The following CSMD1 variants were observed in gnomAD, a reference collection of about 807,000 sequenced individuals.
The protein encoded by CSMD1 is CUB and Sushi multiple domains 1.
Under a neutral mutation model 417.5 loss-of-function variants are expected in CSMD1, and 213 were observed. The ratio of observed to expected loss-of-function variants is 0.51; its 90% CI spans 0.46 to 0.57. The LOEUF is 0.57. Among genes scored for constraint, CSMD1 ranks in the 20% least tolerant of loss-of-function variants. CSMD1 has a pLI of 0.00. For synonymous variants in CSMD1, 2,862 were observed against 1,736.8 expected (o/e 1.65, Z -16.11); for missense variants, 6,923 against 4,529.7 (o/e 1.53, Z -15.17).
At position 4,480,187 on chromosome 8, in the gene CSMD1, C is replaced by CAAAAA. The variant is rs763375040; in HGVS notation, c.303-60127_303-60123dup. On this transcript the variant is annotated intron_variant, in intron 2 of 69. Transcript: ENST00000635120. Reference sequence around the variant, plus strand: ...ACCACGAGAGTGCATTGTTATCTCACAAAAAAAAAAAAACAAAAAAAAACC... The same window carrying CAAAAA: ...ACCACGAGAGTGCATTGTTATCTCACAAAAAAAAAAAAAAAAAACAAAAAAAAACC... Among the ~76,000 whole-genome samples, 487 of 103,746 alleles carry CAAAAA rather than the reference C, an allele frequency of 4.7e-3. 4 individuals are homozygous for CAAAAA. Among genetic ancestry groups the CAAAAA allele is most frequent in the African/African-American group, 0.014 (430 of 31,056 alleles). The allele number at this position is 103,746 out of a possible 152,430, so 68.1% of individuals were successfully genotyped here.
chr8:4,398,589 G>A (rs1300964330), intron 3 of CSMD1, among the ~76,000 whole-genome samples: 1 of 151,698 alleles, frequency 6.6e-6, no homozygotes. Context: ...TAGAGACGGG[G>A]TTTCACCGTG....
At chr8:4,418,876 T>A (rs1797094134) in intron 3 of CSMD1, among the ~76,000 whole-genome samples, 1 of 152,126 alleles carries the variant, frequency 6.6e-6, no homozygotes, top group East Asian at 1.9e-4. Context: ...ATGAAAGACA[T>A]TAGAGGCAGA....
At chr8:4,269,534 A>T (rs1164843443) in intron 3 of CSMD1, among the ~76,000 whole-genome samples, 1 of 152,218 alleles carries the variant, frequency 6.6e-6, no homozygotes, top group African/African-American at 2.4e-5. Flanking sequence ...AGCCCTCAAT[A>T]TATCGCATTC....
chr8:4,063,613 G>T (rs541867275), intron 3 of CSMD1, among the ~76,000 whole-genome samples: 4 of 152,306 alleles, frequency 2.6e-5, no homozygotes, highest in Non-Finnish European at 5.9e-5. Flanking sequence ...TACGTTTCCA[G>T]TTCAGCGGCT....
At chr8:3,140,811 T>C (rs1443356222) in intron 41 of CSMD1, among the ~76,000 whole-genome samples, 1 of 152,210 alleles carries the variant, frequency 6.6e-6, no homozygotes, top group Non-Finnish European at 1.5e-5. Context: ...TACAAATTAT[T>C]TTGCATGAAA....
intron 5 of CSMD1, among the ~76,000 whole-genome samples, chr8:3,849,568 G>C (rs1803745675): frequency 6.6e-6 from 1 of 152,168 alleles, no homozygotes; most frequent in Admixed American, 6.5e-5. Flanking sequence ...ATTCAAATGA[G>C]TTCAGCTAAT....
intron 1 of CSMD1, among the ~76,000 whole-genome samples, chr8:4,934,746 T>A (rs762629760): frequency 3.2e-4 from 48 of 152,086 alleles, no homozygotes; most frequent in Non-Finnish European, 6.0e-4. Context: ...AAACTATCTA[T>A]ATCTATCTAC....
chr8:3,427,180 T>C (rs1443143070), intron 12 of CSMD1, among the ~76,000 whole-genome samples: 2 of 152,182 alleles, frequency 1.3e-5, no homozygotes, highest in African/African-American at 2.4e-5. Flanking sequence ...AGATTTTGGG[T>C]GCAGACTCAG....
At chr8:3,713,987 A>T (rs899327769) in intron 6 of CSMD1, among the ~76,000 whole-genome samples, 2 of 152,052 alleles carry the variant, frequency 1.3e-5, no homozygotes, top group Non-Finnish European at 2.9e-5. Flanking sequence ...TAATATTGAA[A>T]TCTTTGTAAA....
chr8:4,840,853 T>TA (rs993962313), intron 1 of CSMD1, among the ~76,000 whole-genome samples: 3 of 152,246 alleles, frequency 2.0e-5, no homozygotes, highest in Admixed American at 6.5e-5. Context: ...CCACTATTAA[T>TA]AAAAATACAT....
intron 7 of CSMD1, among the ~76,000 whole-genome samples, chr8:3,620,319 C>T (rs1279259697): frequency 6.7e-6 from 1 of 148,790 alleles, no homozygotes; most frequent in Non-Finnish European, 1.5e-5. Context: ...ACTACACAGT[C>T]ACTTGAAGCC....
intron 7 of CSMD1, among the ~76,000 whole-genome samples, chr8:3,703,729 A>G (rs1801004192): frequency 6.6e-6 from 1 of 152,150 alleles, no homozygotes; most frequent in Admixed American, 6.5e-5. Context: ...AAGTGAAAAA[A>G]GCAGGAGTTT....
intron 29 of CSMD1, among the ~76,000 whole-genome samples, chr8:3,216,765 C>T (rs1396765173): frequency 6.6e-6 from 1 of 152,222 alleles, no homozygotes; most frequent in Non-Finnish European, 1.5e-5. Context: ...TTGAGCTTTC[C>T]TGCATCAGAG....
At chr8:4,682,112 G>T (rs1030768252) in intron 1 of CSMD1, among the ~76,000 whole-genome samples, 1 of 152,108 alleles carries the variant, frequency 6.6e-6, no homozygotes, top group Non-Finnish European at 1.5e-5. Context: ...TCCGCCTCCT[G>T]GGCTCAAGCA....
At chr8:3,734,633 C>A (rs942995291) in intron 6 of CSMD1, among the ~76,000 whole-genome samples, 21 of 152,284 alleles carry the variant, frequency 1.4e-4, no homozygotes, top group African/African-American at 4.8e-4. Context: ...ATTGCTTGAA[C>A]CTGGGAGGCG....
At chr8:4,002,972 A>G (rs1815810048) in intron 4 of CSMD1, among the ~76,000 whole-genome samples, 1 of 152,228 alleles carries the variant, frequency 6.6e-6, no homozygotes, top group African/African-American at 2.4e-5. Flanking sequence ...TAACTTTATA[A>G]GTAAACCAAT....
At chr8:4,344,380 C>G (rs1348212257) in intron 3 of CSMD1, among the ~76,000 whole-genome samples, 1 of 152,058 alleles carries the variant, frequency 6.6e-6, no homozygotes, top group East Asian at 1.9e-4. Context: ...CCCATACGCT[C>G]AAGCTCAGAG....
chr8:3,808,669 T>C (rs953283822), intron 5 of CSMD1, among the ~76,000 whole-genome samples: 5 of 152,182 alleles, frequency 3.3e-5, no homozygotes, highest in Admixed American at 6.5e-5. Context: ...GTCTTGTTTG[T>C]AGGATATTTC....
intron 2 of CSMD1, among the ~76,000 whole-genome samples, chr8:4,608,701 T>C (rs1360673110): frequency 6.6e-6 from 1 of 152,238 alleles, no homozygotes; most frequent in Non-Finnish European, 1.5e-5. Flanking sequence ...ATGAAAATTA[T>C]CCTTCAGGCA....
Sources: gnomAD v4.1 joint callset for allele counts (sites outside exome capture counted in the v4.1 genomes callset) on GRCh38, gnomAD v4.1.1 for gene constraint, MANE v1.5 for transcripts, NCBI Gene and HGNC (gene_info 2026-07-23, HGNC 2026-07-21) for gene names.